Variants in IL1RAPL2 observed in about 807,000 individuals in gnomAD.
The protein encoded by IL1RAPL2 is X-linked interleukin-1 receptor accessory protein-like 2.
IL1RAPL2 carries 3 observed loss-of-function variants against 44.1 expected under a neutral mutation model. That is an observed-to-expected ratio of 0.07 (90% CI 0.03 to 0.18). The LOEUF is 0.18. Among genes scored for constraint, IL1RAPL2 ranks in the 10% least tolerant of loss-of-function variants. IL1RAPL2 has a pLI of 1.00. For missense variants in IL1RAPL2, 391 were observed against 496.4 expected, an observed-to-expected ratio of 0.79 and a Z score of 2.02; for synonymous variants, 181 against 178.8, an observed-to-expected ratio of 1.01 and a Z score of -0.10.
chrX:105,190,169 A>G (rs1024033133), intron 2 of IL1RAPL2, among the ~76,000 whole-genome samples: 6 of 111,398 alleles, frequency 5.4e-5, no homozygotes, highest in South Asian at 7.6e-4. Flanking sequence ...TAAGGGCTCA[A>G]TGAAACTCAT....
intron 2 of IL1RAPL2, among the ~76,000 whole-genome samples, chrX:104,942,484 T>C (rs1485435785): frequency 9.0e-6 from 1 of 111,319 alleles, no homozygotes; most frequent in African/African-American, 3.3e-5. Flanking sequence ...AGTTCACTCA[T>C]GATTTGGCTC....
intron 2 of IL1RAPL2, among the ~76,000 whole-genome samples, chrX:105,023,384 T>C (rs1451440170): frequency 5.4e-5 from 6 of 111,489 alleles, no homozygotes; most frequent in African/African-American, 2.0e-4. Context: ...TGCTCCAGCC[T>C]CTTGTTTTAT....
intron 1 of IL1RAPL2, among the ~76,000 whole-genome samples, chrX:104,653,789 T>G (rs1930198496): frequency 9.0e-6 from 1 of 111,408 alleles, no homozygotes. Context: ...TTAAAAATCT[T>G]TACATAGAAT....
chrX:104,705,180 C>G (rs1468830525), intron 2 of IL1RAPL2, among the ~76,000 whole-genome samples: 1 of 111,791 alleles, frequency 8.9e-6, no homozygotes, highest in Non-Finnish European at 1.9e-5. Flanking sequence ...CCATTTGATA[C>G]AGGTACCATT....
At chrX:105,035,533 G>A (rs73518237) in intron 2 of IL1RAPL2, among the ~76,000 whole-genome samples, 7,091 of 111,897 alleles carry the variant, frequency 0.063, 602 homozygotes, top group African/African-American at 0.22. Flanking sequence ...GAAACTAATA[G>A]TCTCTGAGAG....
chrX:105,158,697 G>A (rs1030873030), intron 2 of IL1RAPL2, among the ~76,000 whole-genome samples: 19 of 111,713 alleles, frequency 1.7e-4, no homozygotes, highest in African/African-American at 5.9e-4. Context: ...CTTGTTTTGG[G>A]CCACATAATA....
chrX:105,553,694 C>T (rs1243428640), intron 6 of IL1RAPL2, among the ~76,000 whole-genome samples: 1 of 111,732 alleles, frequency 8.9e-6, no homozygotes, highest in Non-Finnish European at 1.9e-5. Flanking sequence ...TTTTATAAAA[C>T]AAAACGTTTC....
At chrX:105,335,931 CT>C (rs1320661235) in intron 5 of IL1RAPL2, among the ~76,000 whole-genome samples, 1 of 112,093 alleles carries the variant, frequency 8.9e-6, no homozygotes, top group Non-Finnish European at 1.9e-5. Flanking sequence ...CTGGAGACAT[CT>C]TTTTGTTCTA....
chrX:104,806,741 G>A (rs2147616145), intron 2 of IL1RAPL2, among the ~76,000 whole-genome samples: 1 of 112,182 alleles, frequency 8.9e-6, no homozygotes, highest in East Asian at 2.8e-4. Context: ...GTTGGCTGCT[G>A]CTGCTGAGGT....
chrX:104,721,313 G>T (rs966538728), intron 2 of IL1RAPL2, among the ~76,000 whole-genome samples: 14 of 111,314 alleles, frequency 1.3e-4, no homozygotes, highest in African/African-American at 3.6e-4. Flanking sequence ...GATGAAGAAG[G>T]CATGGTGCAT....
Position 105,496,602 on chromosome X carries a change from G to A in IL1RAPL2, c.772+12215G>A, listed in dbSNP as rs181080537. Among the ~76,000 whole-genome samples, 158 of 112,026 alleles carry A rather than the reference G, an allele frequency of 1.4e-3. 1 individual carries two copies. The highest frequency in any genetic ancestry group is 4.8e-3 in the African/African-American group (147 of 30,927). On this transcript the variant is annotated intron_variant, in intron 6 of 10. Transcript: ENST00000372582. ...TTGGTAGTTCTGTAAAGTATGATGA[G>A]TATAAGATATCATTCATTAAGCATT... is the stretch of plus-strand genomic sequence containing the variant.
chrX:104,712,918 A>C (rs898294644), intron 2 of IL1RAPL2, among the ~76,000 whole-genome samples: 1 of 110,891 alleles, frequency 9.0e-6, no homozygotes, highest in African/African-American at 3.3e-5. Flanking sequence ...TATTTCAAGG[A>C]ATTTTATTGG....
intron 2 of IL1RAPL2, among the ~76,000 whole-genome samples, chrX:104,896,553 T>C (rs1443568920): frequency 9.0e-6 from 1 of 111,513 alleles, no homozygotes; most frequent in African/African-American, 3.3e-5. Context: ...CTTTTCTGTC[T>C]AGCTAAAGGA....
intron 5 of IL1RAPL2, among the ~76,000 whole-genome samples, chrX:105,361,913 T>C (rs1176551307): frequency 8.9e-6 from 1 of 111,768 alleles, no homozygotes; most frequent in African/African-American, 3.2e-5. Context: ...TGTAGCAAAC[T>C]AAATATTCTG....
At chrX:104,870,065 A>G (rs781283666) in intron 2 of IL1RAPL2, among the ~76,000 whole-genome samples, 9 of 112,381 alleles carry the variant, frequency 8.0e-5, no homozygotes, top group Non-Finnish European at 1.7e-4. Flanking sequence ...TATCACTACA[A>G]TAAAAATATT....
intron 1 of IL1RAPL2, among the ~76,000 whole-genome samples, chrX:104,639,462 A>G (rs1929890990): frequency 9.0e-6 from 1 of 111,315 alleles, no homozygotes. Context: ...CTCCTGTCAC[A>G]TTGTTAATTG....
chrX:104,911,743 A>G (rs1041808754), intron 2 of IL1RAPL2, among the ~76,000 whole-genome samples: 2 of 112,028 alleles, frequency 1.8e-5, no homozygotes, highest in Admixed American at 9.5e-5. Flanking sequence ...ACTATCTGAC[A>G]TACAGCTTCA....
intron 6 of IL1RAPL2, among the ~76,000 whole-genome samples, chrX:105,551,846 C>T (rs1263080192): frequency 8.9e-6 from 1 of 111,863 alleles, no homozygotes; most frequent in Admixed American, 9.5e-5. Flanking sequence ...TGGCTCACGC[C>T]TGTAATCCCA....
At chrX:105,097,057 A>G (rs1166965295) in intron 2 of IL1RAPL2, among the ~76,000 whole-genome samples, 1 of 110,680 alleles carries the variant, frequency 9.0e-6, no homozygotes, top group Non-Finnish European at 1.9e-5. Flanking sequence ...GGCAGGGCAC[A>G]GTGGCTCATG....
Sources: allele counts gnomAD v4.1 joint callset (sites outside exome capture counted in the v4.1 genomes callset), GRCh38; gene constraint gnomAD v4.1.1; transcripts MANE v1.5; gene names NCBI Gene and HGNC (gene_info 2026-07-23, HGNC 2026-07-21).